RPGRIP1L: variants seen among roughly 807,000 people sequenced by gnomAD.
The protein encoded by RPGRIP1L is protein fantom.
In RPGRIP1L, 131 loss-of-function variants were observed where a neutral mutation model predicts 160.4. The ratio of observed to expected loss-of-function variants is 0.82; its 90% CI spans 0.71 to 0.94. The LOEUF (loss-of-function observed/expected upper bound fraction) is 0.94, where lower values mean the gene tolerates loss of function less well. Ranked by LOEUF, RPGRIP1L falls within the 40% of genes least tolerant of loss-of-function variation. The pLI, the probability that RPGRIP1L is intolerant of heterozygous loss-of-function variation, is 0.00. For missense variants in RPGRIP1L, 1,522 were observed against 1,535.8 expected (o/e 0.99, Z 0.15); for synonymous variants, 510 against 515.8 (o/e 0.99, Z 0.15).
chr16:53,696,953 G>C (rs554672890), intron 2 of RPGRIP1L, among the ~76,000 whole-genome samples: 124 of 152,244 alleles, frequency 8.1e-4, no homozygotes, highest in East Asian at 7.1e-3. Flanking sequence ...CAGCACTTTG[G>C]GGGGCTGGGG....
Position 53,655,995 on chromosome 16 carries a change from C to A in RPGRIP1L, c.1699+477G>T, listed in dbSNP as rs573412804. Among the ~76,000 whole-genome samples the A allele has an allele frequency of 3.3e-5, 5 of 152,324 alleles. No individual in the cohort carries two copies. The East Asian group carries it at 9.6e-4, about 29-fold the overall frequency. On this transcript the variant is annotated intron_variant, in intron 14 of 26. Coordinates refer to ENST00000647211, the MANE Select transcript of RPGRIP1L (RefSeq NM_015272.5). ...GGCAGTGGGCCTGAGCATGACATAT[C>A]TGCAAAGAGCAGGTGGAGGACCTGT...
chr16:53,659,186 T>C (rs1967546993), intron 10 of RPGRIP1L: 1 of 958,748 alleles, frequency 1.0e-6, no homozygotes, highest in African/African-American at 1.7e-5. Flanking sequence ...TGAGAAAATG[T>C]GTTTCAAAAT....
intron 10 of RPGRIP1L, 155 bp from the exon 11 acceptor site, chr16:53,659,033 G>T (rs1967534331): frequency 1.5e-6 from 1 of 675,848 alleles, no homozygotes; most frequent in Non-Finnish European, 2.5e-6. Context: ...AAGACAGCAG[G>T]GGAATGAGGA....
chr16:53,602,684 G>C, intron 26 of RPGRIP1L, among the ~76,000 whole-genome samples: 1 of 151,784 alleles, frequency 6.6e-6, no homozygotes. Flanking sequence ...TGAGGCAGGA[G>C]AATCGCCTGA....
At chr16:53,621,785 G>A (rs1964729804) in intron 23 of RPGRIP1L, among the ~76,000 whole-genome samples, 1 of 151,892 alleles carries the variant, frequency 6.6e-6, no homozygotes, top group African/African-American at 2.4e-5. Flanking sequence ...CACTTTGGGA[G>A]GCTGAGGTGG....
At chr16:53,603,815 C>A (rs1963513493) in intron 26 of RPGRIP1L, among the ~76,000 whole-genome samples, 1 of 152,100 alleles carries the variant, frequency 6.6e-6, no homozygotes, top group African/African-American at 2.4e-5. Context: ...TGGTCCCCAG[C>A]TCATTCCCTG....
chr16:53,633,549 A>G (rs971525009), intron 22 of RPGRIP1L, among the ~76,000 whole-genome samples: 1 of 152,222 alleles, frequency 6.6e-6, no homozygotes, highest in African/African-American at 2.4e-5. Context: ...GACCATATGA[A>G]TAAGATGCTA....
chr16:53,622,146 T>A (rs1964768279), intron 23 of RPGRIP1L, 73 bp downstream of exon 23: 1 of 480,312 alleles, frequency 2.1e-6, no homozygotes, highest in Admixed American at 3.5e-5. Flanking sequence ...GGGCGGATCA[T>A]GAGGTCGGGA....
chr16:53,680,733 C>T (rs575035262), intron 6 of RPGRIP1L, among the ~76,000 whole-genome samples: 3 of 151,772 alleles, frequency 2.0e-5, no homozygotes, highest in Admixed American at 6.6e-5. Context: ...GATACTTACC[C>T]GTAACTGTAC....
Position 53,702,415 on chromosome 16 carries a change from TTAA to T in RPGRIP1L, c.-8+1385_-8+1387del, listed in dbSNP as rs1335007453. On this transcript the variant is annotated intron_variant, in intron 1 of 26. Coordinates refer to ENST00000647211, the MANE Select transcript of RPGRIP1L (RefSeq NM_015272.5). Reference sequence around the variant, plus strand: ...ATAATGAATTATCCAGCCCAAAATGTTAATAATAGTGTAGAAGCTGAAAAACCC... The same window carrying T: ...ATAATGAATTATCCAGCCCAAAATGTTAATAGTGTAGAAGCTGAAAAACCC... Among the ~76,000 whole-genome samples the T allele has an allele frequency of 3.3e-5, 5 of 152,336 alleles. No individual in the cohort carries two copies. The East Asian group carries it at 9.6e-4, about 29-fold the overall frequency.
At chr16:53,631,569 A>G (rs1965521273) in intron 22 of RPGRIP1L, among the ~76,000 whole-genome samples, 1 of 152,262 alleles carries the variant, frequency 6.6e-6, no homozygotes, top group African/African-American at 2.4e-5. Context: ...GCCATGGCAG[A>G]TGCAAATGTT....
chr16:53,641,182 G>C, intron 18 of RPGRIP1L, 66 bp from the exon 19 acceptor site: 1 of 1,523,844 alleles, frequency 6.6e-7, no homozygotes, highest in Non-Finnish European at 9.1e-7. Flanking sequence ...TAAGACTTTA[G>C]CTATTATTAT....
intron 16 of RPGRIP1L, among the ~76,000 whole-genome samples, chr16:53,647,548 G>A (rs953380092): frequency 2.0e-5 from 3 of 152,256 alleles, no homozygotes; most frequent in Non-Finnish European, 2.9e-5. Flanking sequence ...TGATCTCAGA[G>A]GGCAGAATCT....
intron 9 of RPGRIP1L, among the ~76,000 whole-genome samples, chr16:53,667,765 C>T (rs956865430): frequency 6.6e-6 from 1 of 151,996 alleles, no homozygotes. Flanking sequence ...CCCAGCTACT[C>T]AGGAGGCTGA....
At chr16:53,647,689 G>C (rs1020935440) in intron 16 of RPGRIP1L, among the ~76,000 whole-genome samples, 7 of 152,188 alleles carry the variant, frequency 4.6e-5, no homozygotes, top group Admixed American at 2.6e-4. Context: ...TGGAGGTGAA[G>C]GAGTTCCAAA....
At chr16:53,638,237 G>A (rs1965964392) in intron 20 of RPGRIP1L, 73 bp downstream of exon 20, 3 of 931,742 alleles carry the variant, frequency 3.2e-6, no homozygotes, top group Admixed American at 1.7e-5. Context: ...CCTGAGTCAT[G>A]TCAAAACTTA....
At chr16:53,697,561 G>A (rs1224469593) in intron 2 of RPGRIP1L, among the ~76,000 whole-genome samples, 2 of 152,222 alleles carry the variant, frequency 1.3e-5, no homozygotes, top group African/African-American at 2.4e-5. Context: ...ACGGGGTTTC[G>A]CTGTGTTGGC....
intron 7 of RPGRIP1L, among the ~76,000 whole-genome samples, chr16:53,674,697 T>C (rs1300259125): frequency 1.3e-5 from 2 of 152,130 alleles, no homozygotes. Flanking sequence ...CAGTGCTATG[T>C]GTCCATAATA....
intron 17 of RPGRIP1L, among the ~76,000 whole-genome samples, chr16:53,641,877 CT>C (rs1248166096): frequency 1.3e-5 from 2 of 152,072 alleles, no homozygotes; most frequent in Admixed American, 1.3e-4. Flanking sequence ...TTTTGTAAGT[CT>C]TTTGGCTTGT....
Sources: gnomAD v4.1 joint callset for allele counts (sites outside exome capture counted in the v4.1 genomes callset) on GRCh38, gnomAD v4.1.1 for gene constraint, MANE v1.5 for transcripts, NCBI Gene and HGNC (gene_info 2026-07-23, HGNC 2026-07-21) for gene names.